ATRNL1: variants seen among roughly 807,000 people sequenced by gnomAD.
The protein encoded by ATRNL1 is attractin-like protein 1.
A neutral mutation model predicts 182.7 loss-of-function variants in ATRNL1; 95 were observed. The observed-to-expected ratio is 0.52, with a 90% CI of 0.44 to 0.62. ATRNL1 has a LOEUF of 0.62. Ranked by LOEUF, ATRNL1 falls within the 20% of genes least tolerant of loss-of-function variation. ATRNL1 has a pLI of 0.00. For missense variants in ATRNL1, 1,471 were observed against 1,679.5 expected, an observed-to-expected ratio of 0.88 and a Z score of 2.17; for synonymous variants, 576 against 568.3, an observed-to-expected ratio of 1.01 and a Z score of -0.19.
chr10:115,282,309 C>A (rs937679984), intron 14 of ATRNL1, among the ~76,000 whole-genome samples: 39 of 148,986 alleles, frequency 2.6e-4, no homozygotes, highest in African/African-American at 9.1e-4. Flanking sequence ...GCACAATGTG[C>A]AGGTTAGTTA....
intron 24 of ATRNL1, among the ~76,000 whole-genome samples, chr10:115,473,967 T>G (rs1310585235): frequency 6.6e-6 from 1 of 151,334 alleles, no homozygotes; most frequent in African/African-American, 2.4e-5. Flanking sequence ...TTTTTCTTGG[T>G]TAGTCCTGTG....
At chr10:115,255,190 A>C (rs534360980) in intron 10 of ATRNL1, among the ~76,000 whole-genome samples, 2 of 152,284 alleles carry the variant, frequency 1.3e-5, no homozygotes, top group South Asian at 2.1e-4. Context: ...TGGTAGCTTG[A>C]TGGGGATGGC....
intron 27 of ATRNL1, among the ~76,000 whole-genome samples, chr10:115,732,861 G>A (rs1947840556): frequency 6.6e-6 from 1 of 152,056 alleles, no homozygotes; most frequent in Non-Finnish European, 1.5e-5. Flanking sequence ...TTGATTCCAG[G>A]TGCTCAAATA....
At chr10:115,681,807 C>T (rs1946055097) in intron 26 of ATRNL1, among the ~76,000 whole-genome samples, 1 of 152,118 alleles carries the variant, frequency 6.6e-6, no homozygotes, top group Admixed American at 6.6e-5. Flanking sequence ...AATACACCAT[C>T]CCACCCACCA....
At chr10:115,568,820 C>T (rs1555002621) in intron 26 of ATRNL1, among the ~76,000 whole-genome samples, 1 of 151,896 alleles carries the variant, frequency 6.6e-6, no homozygotes, top group Non-Finnish European at 1.5e-5. Flanking sequence ...ACCTAGTCCA[C>T]ACTTTCCCTC....
intron 27 of ATRNL1, among the ~76,000 whole-genome samples, chr10:115,839,415 G>A (rs563363503): frequency 4.6e-5 from 7 of 152,186 alleles, no homozygotes; most frequent in African/African-American, 1.7e-4. Flanking sequence ...CGGGGGACCT[G>A]GATATTTTGG....
intron 26 of ATRNL1, among the ~76,000 whole-genome samples, chr10:115,688,298 T>A (rs1555046986): frequency 6.6e-6 from 1 of 152,174 alleles, no homozygotes; most frequent in Non-Finnish European, 1.5e-5. Context: ...AGGTATCCCC[T>A]TGATACACTG....
rs1260818866 is a variant in ATRNL1, at chr10:115,246,354, A to AT, written c.1687+4633dup. ...CCTGGTTTAACAGGAAAAAAAAGGA[A>AT]TTTTAGTTGGAAAGAACTTGTTAGT... On this transcript the variant is annotated intron_variant, in intron 10 of 28. Coordinates refer to ENST00000355044, the MANE Select transcript of ATRNL1 (RefSeq NM_207303.4). Among the ~76,000 whole-genome samples the AT allele has an allele frequency of 3.3e-5, 5 of 152,166 alleles. No individual in the cohort carries two copies. In the South Asian group the frequency reaches 8.3e-4, roughly 25 times the overall value.
chr10:115,308,048 A>G (rs576078420), intron 17 of ATRNL1, among the ~76,000 whole-genome samples: 14 of 152,314 alleles, frequency 9.2e-5, no homozygotes, highest in African/African-American at 3.4e-4. Flanking sequence ...AAGTTGCCTC[A>G]ATGTTCATTT....
intron 25 of ATRNL1, among the ~76,000 whole-genome samples, chr10:115,529,010 A>G (rs1466825297): frequency 3.3e-5 from 5 of 152,104 alleles, no homozygotes; most frequent in Non-Finnish European, 7.4e-5. Context: ...AAATCTACCG[A>G]GATATAATTT....
At chr10:115,251,971 C>CT (rs1850897461) in intron 10 of ATRNL1, among the ~76,000 whole-genome samples, 1 of 152,158 alleles carries the variant, frequency 6.6e-6, no homozygotes. Flanking sequence ...CCTAGTACCA[C>CT]TTGTACTCTC....
At chr10:115,685,467 A>G (rs967556189) in intron 26 of ATRNL1, among the ~76,000 whole-genome samples, 1 of 151,420 alleles carries the variant, frequency 6.6e-6, no homozygotes, top group South Asian at 2.1e-4. Flanking sequence ...CTGGCATATA[A>G]TAAGTATTCC....
At chr10:115,548,947 T>C (rs1719974394) in intron 25 of ATRNL1, among the ~76,000 whole-genome samples, 3 of 152,088 alleles carry the variant, frequency 2.0e-5, no homozygotes, top group Admixed American at 6.6e-5. Flanking sequence ...CCAAAGGTTA[T>C]TTTGGTTATT....
intron 1 of ATRNL1, among the ~76,000 whole-genome samples, chr10:115,094,960 C>T (rs2084974566): frequency 6.6e-6 from 1 of 152,154 alleles, no homozygotes; most frequent in Non-Finnish European, 1.5e-5. Flanking sequence ...GGGAACATCG[C>T]TTTGGCTTGT....
intron 8 of ATRNL1, among the ~76,000 whole-genome samples, chr10:115,207,151 A>G (rs191087015): frequency 6.6e-6 from 1 of 152,066 alleles, no homozygotes; most frequent in Non-Finnish European, 1.5e-5. Flanking sequence ...ATAAACATAC[A>G]TGTGCATGTG....
At chr10:115,466,023 G>A (rs527915755) in intron 22 of ATRNL1, among the ~76,000 whole-genome samples, 1 of 151,454 alleles carries the variant, frequency 6.6e-6, no homozygotes, top group African/African-American at 2.4e-5. Flanking sequence ...TTATACGTCT[G>A]TCAAATGGTA....
chr10:115,447,928 C>T (rs1184418744), intron 21 of ATRNL1, among the ~76,000 whole-genome samples: 1 of 151,818 alleles, frequency 6.6e-6, no homozygotes, highest in Non-Finnish European at 1.5e-5. Flanking sequence ...TAATATTTGC[C>T]AATCTGATGG....
chr10:115,637,603 C>CTATTATTATTATTATTATTAT (rs3087071), intron 26 of ATRNL1, among the ~76,000 whole-genome samples: 7 of 141,816 alleles, frequency 4.9e-5, no homozygotes, highest in East Asian at 2.0e-4. Flanking sequence ...CAATTTATTA[C>CTATTATTATTATTATTATTAT]TATTATTATT....
chr10:115,262,430 A>G (rs557475051), intron 10 of ATRNL1, among the ~76,000 whole-genome samples: 1 of 152,154 alleles, frequency 6.6e-6, no homozygotes, highest in East Asian at 1.9e-4. Context: ...ATAAGTTGCA[A>G]AAAGATTGAA....
Sources: allele counts gnomAD v4.1 joint callset (sites outside exome capture counted in the v4.1 genomes callset), GRCh38; gene constraint gnomAD v4.1.1; transcripts MANE v1.5; gene names NCBI Gene and HGNC (gene_info 2026-07-23, HGNC 2026-07-21).